Variants in KAZN observed in about 807,000 individuals in gnomAD.
KAZN encodes the protein kazrin, periplakin interacting protein.
KAZN carries 40 observed loss-of-function variants against 87.4 expected under a neutral mutation model. The ratio of observed to expected loss-of-function variants is 0.46; its 90% confidence interval spans 0.36 to 0.60. The LOEUF (loss-of-function observed/expected upper bound fraction) is 0.60. KAZN is among the 20% of genes least tolerant of loss of function. The pLI is 0.00. For missense variants in KAZN, 898 were observed against 1,073.9 expected (o/e 0.84, Z 2.29); for synonymous variants, 466 against 458.3 (o/e 1.02, Z -0.22).
chr1:13,956,212 C>T (rs1641539660), intron 1 of KAZN, among the ~76,000 whole-genome samples: 1 of 152,144 alleles, frequency 6.6e-6, no homozygotes, highest in Admixed American at 6.5e-5. Context: ...CTAATGTGTA[C>T]AGTCTTCAAG....
intron 2 of KAZN, among the ~76,000 whole-genome samples, chr1:14,467,281 C>G (rs1185125522): frequency 1.3e-5 from 2 of 150,170 alleles, no homozygotes; most frequent in Non-Finnish European, 3.0e-5. Context: ...AGTTAAGATG[C>G]TAATTGCAAT....
At chr1:13,903,563 T>C (rs901274848) in intron 1 of KAZN, among the ~76,000 whole-genome samples, 7 of 152,198 alleles carry the variant, frequency 4.6e-5, no homozygotes, top group African/African-American at 1.4e-4. Flanking sequence ...GTGGCCAGGC[T>C]AGATTCCACT....
At chr1:15,062,436 A>G (rs1557770215) in intron 6 of KAZN, 1 of 152,562 alleles carries the variant, frequency 6.6e-6, no homozygotes, top group East Asian at 1.9e-4. Context: ...TTATCCCCCC[A>G]TCTCAACAGG....
intron 2 of KAZN, among the ~76,000 whole-genome samples, chr1:14,589,459 A>G (rs577067474): frequency 6.6e-6 from 1 of 152,306 alleles, no homozygotes; most frequent in East Asian, 1.9e-4. Context: ...CCAATTATGC[A>G]TACAACTGGA....
chr1:14,985,048 A>C (rs910509479), intron 2 of KAZN, among the ~76,000 whole-genome samples: 1 of 151,854 alleles, frequency 6.6e-6, no homozygotes, highest in African/African-American at 2.4e-5. Context: ...AAGCAGAAGA[A>C]TCGCTTGAAC....
intron 1 of KAZN, among the ~76,000 whole-genome samples, chr1:14,033,437 T>G (rs1289485241): frequency 6.6e-6 from 1 of 152,196 alleles, no homozygotes; most frequent in Non-Finnish European, 1.5e-5. Flanking sequence ...GCAGCATCAT[T>G]GATACTGAGA....
intron 2 of KAZN, among the ~76,000 whole-genome samples, chr1:14,414,569 G>T (rs555819389): frequency 6.6e-6 from 1 of 152,134 alleles, no homozygotes; most frequent in African/African-American, 2.4e-5. Context: ...TGATGCCAAT[G>T]TAGTAAGTTT....
chr1:14,134,082 C>G (rs1184863067), intron 1 of KAZN, among the ~76,000 whole-genome samples: 3 of 152,154 alleles, frequency 2.0e-5, no homozygotes, highest in African/African-American at 7.2e-5. Context: ...GTCAGAAGTT[C>G]TAGGATTTAG....
chr1:14,500,931 T>C (rs1324476644), intron 2 of KAZN, among the ~76,000 whole-genome samples: 1 of 151,860 alleles, frequency 6.6e-6, no homozygotes, highest in Non-Finnish European at 1.5e-5. Flanking sequence ...TTATAACAAG[T>C]AGAGAGATTA....
intron 1 of KAZN, among the ~76,000 whole-genome samples, chr1:14,679,356 T>G (rs532729600): frequency 6.6e-6 from 1 of 152,026 alleles, no homozygotes; most frequent in Non-Finnish European, 1.5e-5. Flanking sequence ...ATTGTTTGAA[T>G]AACTTAGTTG....
intron 2 of KAZN, among the ~76,000 whole-genome samples, chr1:15,006,645 G>T (rs1669032945): frequency 6.6e-6 from 1 of 152,230 alleles, no homozygotes; most frequent in African/African-American, 2.4e-5. Flanking sequence ...TGACAAAACA[G>T]ATAATAAACC....
intron 3 of KAZN, among the ~76,000 whole-genome samples, chr1:15,037,236 G>A (rs527315113): frequency 1.3e-5 from 2 of 152,288 alleles, no homozygotes; most frequent in Admixed American, 6.5e-5. Context: ...TTTTTTATTG[G>A]GGACAGGACA....
chr1:14,342,889 C>A lies in KAZN; in HGVS notation c.249+162297C>A, dbSNP rs576606260. Among the ~76,000 whole-genome samples the A allele has an allele frequency of 1.2e-4, 18 of 152,188 alleles. No homozygotes were observed. The East Asian group carries it at 2.1e-3, about 18-fold the overall frequency. ...GGTGCAGTGGCTCACGCCTGTAATC[C>A]CAGCATTTTGGGCGGCTAAGTTGGG... On this transcript the variant is annotated intron_variant, in intron 2 of 16. Coordinates refer to the KAZN transcript ENST00000636203.
At chr1:14,911,422 G>C (rs1657233519) in intron 1 of KAZN, among the ~76,000 whole-genome samples, 1 of 152,230 alleles carries the variant, frequency 6.6e-6, no homozygotes, top group African/African-American at 2.4e-5. Flanking sequence ...CCAGTGCCCA[G>C]GGGGCATCCT....
Position 14,618,633 on chromosome 1 carries a change from T to C in KAZN, c.226+19410T>C, listed in dbSNP as rs112782749. ...TTTGACAGGTCAGGCAACTGAGGCA[T>C]AAAGTGATTAAATCATGTGTCTATG... On this transcript the variant is annotated intron_variant, in intron 1 of 14. Coordinates refer to ENST00000376030, the MANE Select transcript of KAZN (RefSeq NM_201628.3). Among the ~76,000 whole-genome samples the C allele has an allele frequency of 7.4e-3, 1,134 of 152,350 alleles. 23 individuals carry two copies. The highest frequency in any genetic ancestry group is 0.026 in the African/African-American group (1,068 of 41,590).
At chr1:14,950,491 C>G (rs927096527) in intron 1 of KAZN, among the ~76,000 whole-genome samples, 1 of 152,106 alleles carries the variant, frequency 6.6e-6, no homozygotes, top group Admixed American at 6.5e-5. Flanking sequence ...TACCTCTCCC[C>G]GAAGGCTCAG....
chr1:14,582,202 T>C (rs1675599508), intron 2 of KAZN, among the ~76,000 whole-genome samples: 1 of 152,152 alleles, frequency 6.6e-6, no homozygotes, highest in South Asian at 2.1e-4. Flanking sequence ...CCATGGAATC[T>C]GTTGACTTTC....
At chr1:14,920,303 C>T (rs1200691000) in intron 1 of KAZN, among the ~76,000 whole-genome samples, 19 of 92,562 alleles carry the variant, frequency 2.1e-4, no homozygotes, top group Admixed American at 4.6e-4. Context: ...TTTTGGGTGG[C>T]GCCCTGTCCA....
intron 2 of KAZN, among the ~76,000 whole-genome samples, chr1:14,440,870 G>A (rs985315355): frequency 1.3e-5 from 2 of 152,130 alleles, no homozygotes; most frequent in African/African-American, 2.4e-5. Flanking sequence ...AATAGAAAAG[G>A]CATCACGTTC....
Sources: allele counts gnomAD v4.1 joint callset (sites outside exome capture counted in the v4.1 genomes callset), GRCh38; gene constraint gnomAD v4.1.1; transcripts MANE v1.5; gene names NCBI Gene and HGNC (gene_info 2026-07-23, HGNC 2026-07-21).